The following MACROD2 variants were observed in gnomAD, a reference collection of about 807,000 sequenced individuals.
MACROD2 encodes mono-ADP ribosylhydrolase 2.
MACROD2 carries 36 observed loss-of-function variants against 70.4 expected under a neutral mutation model. The ratio of observed to expected loss-of-function variants is 0.51; its 90% CI spans 0.39 to 0.68. The LOEUF (loss-of-function observed/expected upper bound fraction) is 0.68. Among genes scored for constraint, MACROD2 ranks in the 30% least tolerant of loss-of-function variants. The pLI, the probability that MACROD2 is intolerant of heterozygous loss-of-function variation, is 0.00. For synonymous variants in MACROD2, 172 were observed against 178.8 expected (o/e 0.96, Z 0.30); for missense variants, 496 against 538.4 (o/e 0.92, Z 0.78).
intron 8 of MACROD2, among the ~76,000 whole-genome samples, chr20:15,670,727 A>G (rs1568964879): frequency 6.6e-6 from 1 of 152,172 alleles, no homozygotes; most frequent in Non-Finnish European, 1.5e-5. Flanking sequence ...GTTCCTTTTT[A>G]GTCAATATAT....
intron 5 of MACROD2, among the ~76,000 whole-genome samples, chr20:14,869,859 C>T (rs895414096): frequency 6.6e-5 from 10 of 152,044 alleles, no homozygotes; most frequent in South Asian, 2.1e-4. Context: ...TTTTATGTCT[C>T]GTTCACCTCA....
At chr20:15,372,760 A>G (rs2045510304) in intron 6 of MACROD2, among the ~76,000 whole-genome samples, 1 of 152,102 alleles carries the variant, frequency 6.6e-6, no homozygotes, top group South Asian at 2.1e-4. Context: ...GTCTTCACAA[A>G]TCCCTCCCAG....
intron 8 of MACROD2, among the ~76,000 whole-genome samples, chr20:15,787,273 T>C (rs1380956661): frequency 1.3e-5 from 2 of 152,200 alleles, no homozygotes; most frequent in East Asian, 3.8e-4. Flanking sequence ...TTTCTACTGT[T>C]GGCATACATA....
chr20:14,463,390 C>G (rs983278593), intron 3 of MACROD2, among the ~76,000 whole-genome samples: 2 of 151,900 alleles, frequency 1.3e-5, no homozygotes, highest in African/African-American at 4.8e-5. Flanking sequence ...GATTTTGTAT[C>G]CTGAGACTTT....
At chr20:15,443,340 A>C (rs887959426) in intron 7 of MACROD2, among the ~76,000 whole-genome samples, 1 of 152,110 alleles carries the variant, frequency 6.6e-6, no homozygotes, top group African/African-American at 2.4e-5. Flanking sequence ...TATGAATATG[A>C]ATCTAAATCT....
intron 5 of MACROD2, among the ~76,000 whole-genome samples, chr20:15,158,560 A>C (rs564654823): frequency 2.2e-4 from 33 of 152,266 alleles, no homozygotes; most frequent in African/African-American, 7.7e-4. Flanking sequence ...CCACAGCAGA[A>C]GTGTGTAGTG....
intron 7 of MACROD2, among the ~76,000 whole-genome samples, chr20:15,441,266 G>A (rs963290221): frequency 3.3e-5 from 5 of 151,998 alleles, no homozygotes; most frequent in South Asian, 2.1e-4. Context: ...CCCTACCCAC[G>A]TCTTTAATAT....
intron 7 of MACROD2, among the ~76,000 whole-genome samples, chr20:15,463,723 T>C (rs2046848927): frequency 6.6e-6 from 1 of 152,122 alleles, no homozygotes; most frequent in Admixed American, 6.6e-5. Context: ...CACTCCAGCC[T>C]GGGCAACAGA....
chr20:15,968,879 A>G (rs1404164574), intron 13 of MACROD2, among the ~76,000 whole-genome samples: 1 of 146,686 alleles, frequency 6.8e-6, no homozygotes, highest in Non-Finnish European at 1.5e-5. Context: ...AGACTGTTTA[A>G]AGGCATCAGT....
chr20:14,771,397 A>G (rs1030377552), intron 5 of MACROD2, among the ~76,000 whole-genome samples: 2 of 152,074 alleles, frequency 1.3e-5, no homozygotes, highest in East Asian at 3.8e-4. Flanking sequence ...CAAACACCAT[A>G]TTATAATTAT....
chr20:14,492,967 C>T (rs1482351737), intron 3 of MACROD2, among the ~76,000 whole-genome samples: 1 of 151,704 alleles, frequency 6.6e-6, no homozygotes, highest in Non-Finnish European at 1.5e-5. Context: ...TATTTCTTTC[C>T]TCAAAATAAA....
chr20:15,301,274 C>T (rs1444869934), intron 6 of MACROD2, among the ~76,000 whole-genome samples: 5 of 152,134 alleles, frequency 3.3e-5, no homozygotes, highest in South Asian at 2.1e-4. Flanking sequence ...TGATTGGGAC[C>T]AGAGAGCAGT....
chr20:15,339,034 A>G (rs1318867703), intron 6 of MACROD2, among the ~76,000 whole-genome samples: 1 of 151,780 alleles, frequency 6.6e-6, no homozygotes, highest in Non-Finnish European at 1.5e-5. Flanking sequence ...CGTTTAATCT[A>G]TTATAGCTGG....
chr20:14,571,697 C>T (rs1600399092), intron 4 of MACROD2, among the ~76,000 whole-genome samples: 1 of 152,082 alleles, frequency 6.6e-6, no homozygotes, highest in Non-Finnish European at 1.5e-5. Flanking sequence ...TTTGCCTGCT[C>T]CCAGTTCTTT....
At chr20:14,394,858 A>G (rs1433749198) in intron 3 of MACROD2, among the ~76,000 whole-genome samples, 1 of 151,974 alleles carries the variant, frequency 6.6e-6, no homozygotes, top group African/African-American at 2.4e-5. Context: ...GATTATATGT[A>G]TTTTCTTATT....
intron 8 of MACROD2, among the ~76,000 whole-genome samples, chr20:15,545,380 A>G (rs574636672): frequency 6.6e-6 from 1 of 152,272 alleles, no homozygotes; most frequent in South Asian, 2.1e-4. Context: ...AACATATTTA[A>G]TTTCATATTT....
intron 8 of MACROD2, among the ~76,000 whole-genome samples, chr20:15,729,846 TGGATGGAGTTTCA>T (rs2050920599): frequency 1.4e-5 from 2 of 145,570 alleles, no homozygotes; most frequent in East Asian, 2.0e-4. Flanking sequence ...TTTTTTTTTT[TGGATGGAGTTTCA>T]CTCTTGTCGC....
chr20:14,683,727 T>C (rs2070963729), intron 4 of MACROD2, among the ~76,000 whole-genome samples: 1 of 152,126 alleles, frequency 6.6e-6, no homozygotes. Flanking sequence ...ATAATGATAA[T>C]GATAATAAAG....
At chr20:14,535,842 A>G (rs1375668493) in intron 4 of MACROD2, among the ~76,000 whole-genome samples, 2 of 152,160 alleles carry the variant, frequency 1.3e-5, no homozygotes, top group Non-Finnish European at 2.9e-5. Flanking sequence ...GTATTCTAGA[A>G]TTGAATTTGT....
Sources: allele counts gnomAD v4.1 joint callset (sites outside exome capture counted in the v4.1 genomes callset), GRCh38; gene constraint gnomAD v4.1.1; transcripts MANE v1.5; gene names NCBI Gene and HGNC (gene_info 2026-07-23, HGNC 2026-07-21).